BMP5: variants seen among roughly 807,000 people sequenced by gnomAD.
The protein encoded by BMP5 is bone morphogenetic protein 5.
BMP5 carries 23 observed loss-of-function variants against 46.6 expected under a neutral mutation model. That is an observed-to-expected ratio of 0.49 (90% CI 0.35 to 0.70). The LOEUF (loss-of-function observed/expected upper bound fraction) is 0.70, where lower values mean the gene tolerates loss of function less well. Among genes scored for constraint, BMP5 ranks in the 30% least tolerant of loss-of-function variants. The pLI is 0.00. For missense variants in BMP5, 545 were observed against 565.6 expected, an observed-to-expected ratio of 0.96 and a Z score of 0.37; for synonymous variants, 204 against 191.9, an observed-to-expected ratio of 1.06 and a Z score of -0.52.
At chr6:55,762,565 G>A (rs1396277348) in intron 4 of BMP5, among the ~76,000 whole-genome samples, 1 of 152,060 alleles carries the variant, frequency 6.6e-6, no homozygotes, top group Non-Finnish European at 1.5e-5. Flanking sequence ...CTACATTCTG[G>A]TTCTTCTTCA....
At chr6:55,827,462 G>C (rs1776559967) in intron 1 of BMP5, among the ~76,000 whole-genome samples, 1 of 151,602 alleles carries the variant, frequency 6.6e-6, no homozygotes, top group African/African-American at 2.4e-5. Flanking sequence ...TTGACATCTT[G>C]TTTATATATT....
At chr6:55,863,116 A>C (rs755516313) in intron 1 of BMP5, among the ~76,000 whole-genome samples, 4 of 152,274 alleles carry the variant, frequency 2.6e-5, no homozygotes, top group Admixed American at 6.5e-5. Context: ...TAATCAGCTT[A>C]TATTTGTTAA....
At chr6:55,850,082 A>G (rs1053367580) in intron 1 of BMP5, among the ~76,000 whole-genome samples, 4 of 152,106 alleles carry the variant, frequency 2.6e-5, no homozygotes, top group Admixed American at 2.6e-4. Context: ...TATCTCTAAT[A>G]CATCACCTTT....
intron 2 of BMP5, among the ~76,000 whole-genome samples, chr6:55,818,753 A>C (rs1776337098): frequency 6.6e-6 from 1 of 152,072 alleles, no homozygotes; most frequent in African/African-American, 2.4e-5. Context: ...TATTGTCAAC[A>C]AGGAGAGAAC....
chr6:55,842,299 C>A (rs1776981509), intron 1 of BMP5, among the ~76,000 whole-genome samples: 1 of 151,986 alleles, frequency 6.6e-6, no homozygotes, highest in Admixed American at 6.6e-5. Context: ...TTTCTGGGAC[C>A]CTAACCGAAT....
chr6:55,759,172 A>AAAAAAAAAAAAAAAAAAAAAAAAAC (rs1562023483), intron 5 of BMP5, 57 bp from the exon 6 acceptor site: 43 of 738,806 alleles, frequency 5.8e-5, no homozygotes, highest in South Asian at 1.5e-4. Context: ...AAAAAAAAAA[A>AAAAAAAAAAAAAAAAAAAAAAAAAC]AAAAAAAAAA....
chr6:55,792,312 T>C (rs192850893), intron 3 of BMP5, among the ~76,000 whole-genome samples: 1 of 152,094 alleles, frequency 6.6e-6, no homozygotes, highest in Non-Finnish European at 1.5e-5. Context: ...GGCGGGCGGA[T>C]CACGAGGTCA....
intron 1 of BMP5, among the ~76,000 whole-genome samples, chr6:55,839,811 T>A (rs1247270787): frequency 1.3e-5 from 2 of 151,916 alleles, no homozygotes; most frequent in African/African-American, 2.4e-5. Flanking sequence ...CTTTTCAGAC[T>A]TTTTTTTGCC....
At chr6:55,848,953 C>G (rs1330110114) in intron 1 of BMP5, among the ~76,000 whole-genome samples, 1 of 152,064 alleles carries the variant, frequency 6.6e-6, no homozygotes, top group African/African-American at 2.4e-5. Context: ...AAACACACTT[C>G]ATCTCTGAAC....
At chr6:55,863,144 C>T (rs1777562766) in intron 1 of BMP5, among the ~76,000 whole-genome samples, 1 of 152,124 alleles carries the variant, frequency 6.6e-6, no homozygotes, top group African/African-American at 2.4e-5. Flanking sequence ...AATGAATGAC[C>T]TTTCAGAACT....
At chr6:55,855,247 A>ATTTT (rs1261281336) in intron 1 of BMP5, among the ~76,000 whole-genome samples, 2 of 151,434 alleles carry the variant, frequency 1.3e-5, no homozygotes, top group East Asian at 3.9e-4. Context: ...TCAATTAGTT[A>ATTTT]TTTTTATTTA....
chr6:55,837,252 G>A (rs1339396579), intron 1 of BMP5, among the ~76,000 whole-genome samples: 1 of 151,878 alleles, frequency 6.6e-6, no homozygotes, highest in Non-Finnish European at 1.5e-5. Flanking sequence ...AACACAGTAT[G>A]TTTAAGAAGA....
chr6:55,849,506 G>T (rs1056177463), intron 1 of BMP5, among the ~76,000 whole-genome samples: 1 of 151,996 alleles, frequency 6.6e-6, no homozygotes, highest in African/African-American at 2.4e-5. Context: ...TATTTAGGCA[G>T]TGTGAATGGC....
chr6:55,856,557 T>C (rs941790328), intron 1 of BMP5, among the ~76,000 whole-genome samples: 6 of 152,302 alleles, frequency 3.9e-5, no homozygotes, highest in South Asian at 2.1e-4. Context: ...TTCAGGGTTT[T>C]TTATTTCTTT....
chr6:55,865,411 G>A (rs1326470719), intron 1 of BMP5: 3 of 506,780 alleles, frequency 5.9e-6, no homozygotes, highest in South Asian at 2.9e-5. Flanking sequence ...CTGACCAAAG[G>A]TAGTATGAAA....
At chr6:55,817,169 A>G (rs1463425574) in intron 2 of BMP5, among the ~76,000 whole-genome samples, 1 of 152,238 alleles carries the variant, frequency 6.6e-6, no homozygotes, top group Non-Finnish European at 1.5e-5. Context: ...AAACTAGTTC[A>G]ACCATTGTGG....
chr6:55,796,956 T>A (rs1477843066), intron 2 of BMP5, among the ~76,000 whole-genome samples: 3 of 152,178 alleles, frequency 2.0e-5, no homozygotes, highest in Non-Finnish European at 4.4e-5. Flanking sequence ...TTTAATTGAT[T>A]TCATAAGTGC....
intron 1 of BMP5, among the ~76,000 whole-genome samples, chr6:55,827,552 A>C (rs1462603006): frequency 1.3e-5 from 2 of 151,748 alleles, no homozygotes; most frequent in Non-Finnish European, 3.0e-5. Flanking sequence ...GGTTCTTACA[A>C]ATTTTTTTTA....
intron 1 of BMP5, among the ~76,000 whole-genome samples, chr6:55,826,575 C>T (rs1003448562): frequency 7.3e-5 from 11 of 151,274 alleles, no homozygotes; most frequent in Non-Finnish European, 1.6e-4. Context: ...CAAGGTGTTC[C>T]TGTTTTCTTT....
Sources: gnomAD v4.1 joint callset for allele counts (sites outside exome capture counted in the v4.1 genomes callset) on GRCh38, gnomAD v4.1.1 for gene constraint, MANE v1.5 for transcripts, NCBI Gene and HGNC (gene_info 2026-07-23, HGNC 2026-07-21) for gene names.